PPP3R1: variants seen among roughly 807,000 people sequenced by gnomAD.
PPP3R1 encodes the protein calcineurin subunit B type 1.
A neutral mutation model predicts 22.6 loss-of-function variants in PPP3R1; 5 were observed. The observed-to-expected ratio is 0.22, with a 90% confidence interval of 0.12 to 0.46. The LOEUF (loss-of-function observed/expected upper bound fraction) is 0.46. PPP3R1 is among the 20% of genes least tolerant of loss of function. PPP3R1 has a pLI of 0.99. For missense variants in PPP3R1, 61 were observed against 203.2 expected (o/e 0.30, Z 4.25); for synonymous variants, 56 against 65.2 (o/e 0.86, Z 0.68).
At chr2:68,209,357 TCAAAAAAAAAAA>T (rs1444228182) in intron 2 of PPP3R1, among the ~76,000 whole-genome samples, 1 of 12,206 alleles carries the variant, frequency 8.2e-5, no homozygotes, top group African/African-American at 3.8e-4. Context: ...AGACTCTGTC[TCAAAAAAAAAAA>T]AAAAAAAAAA....
chr2:68,196,323 G>A (rs2103734834), intron 2 of PPP3R1, among the ~76,000 whole-genome samples: 1 of 152,196 alleles, frequency 6.6e-6, no homozygotes, highest in East Asian at 1.9e-4. Context: ...TCCACCAGGG[G>A]GCGCAGCAGA....
chr2:68,191,329 G>A (rs921910822), intron 2 of PPP3R1, among the ~76,000 whole-genome samples: 3 of 152,150 alleles, frequency 2.0e-5, no homozygotes, highest in Non-Finnish European at 4.4e-5. Context: ...ACTGAATACT[G>A]TAGGCAATTG....
chr2:68,190,274 A>T (rs2103725417), intron 2 of PPP3R1, among the ~76,000 whole-genome samples: 1 of 147,612 alleles, frequency 6.8e-6, no homozygotes, highest in Middle Eastern at 3.5e-3. Flanking sequence ...AAAAAAAAAA[A>T]AAAAAAAAGG....
intron 4 of PPP3R1, among the ~76,000 whole-genome samples, chr2:68,186,974 A>G (rs946979142): frequency 1.3e-5 from 2 of 152,172 alleles, no homozygotes; most frequent in Admixed American, 6.5e-5. Context: ...CACTTTCACT[A>G]AAAAAATCTC....
intron 2 of PPP3R1, among the ~76,000 whole-genome samples, chr2:68,208,865 G>C (rs908416579): frequency 1.3e-5 from 2 of 151,722 alleles, no homozygotes; most frequent in South Asian, 2.1e-4. Context: ...GGAGGCTGCA[G>C]TGAGCCGAGA....
intron 2 of PPP3R1, among the ~76,000 whole-genome samples, chr2:68,213,329 T>G (rs1268233939): frequency 6.6e-6 from 1 of 152,162 alleles, no homozygotes; most frequent in African/African-American, 2.4e-5. Context: ...CTTGAACAAT[T>G]AGAGAGCAGT....
intron 1 of PPP3R1, among the ~76,000 whole-genome samples, chr2:68,247,758 C>T (rs988167244): frequency 2.0e-5 from 3 of 152,236 alleles, no homozygotes; most frequent in African/African-American, 7.2e-5. Flanking sequence ...CACCTCTTTT[C>T]TTCCCCATAA....
intron 2 of PPP3R1, among the ~76,000 whole-genome samples, chr2:68,198,921 A>G (rs1343934254): frequency 2.6e-5 from 4 of 152,054 alleles, no homozygotes; most frequent in South Asian, 4.2e-4. Context: ...GTATTTTACA[A>G]TTTTACTCTA....
rs936460913 is a variant in PPP3R1, at chr2:68,240,112, G to A, written c.3+12013C>T. ...ATTTTCAACTTACAATGGGTTTATCGGGATGTAACCCCAACGTAAGTCAAG... is the reference window on the plus strand; with the variant it reads ...ATTTTCAACTTACAATGGGTTTATCAGGATGTAACCCCAACGTAAGTCAAG... On this transcript the variant is annotated intron_variant, in intron 1 of 5. Coordinates refer to ENST00000234310, the MANE Select transcript of PPP3R1 (RefSeq NM_000945.4). Among the ~76,000 whole-genome samples, 4 of 152,100 alleles carry A rather than the reference G, an allele frequency of 2.6e-5. No homozygotes were observed. In the East Asian group the frequency reaches 7.7e-4, roughly 29 times the overall value.
chr2:68,214,854 T>A (rs1277016919), intron 2 of PPP3R1, among the ~76,000 whole-genome samples: 1 of 152,044 alleles, frequency 6.6e-6, no homozygotes, highest in Non-Finnish European at 1.5e-5. Context: ...CACAATATTA[T>A]TATTCACAAT....
At chr2:68,241,302 C>G (rs1424177015) in intron 1 of PPP3R1, among the ~76,000 whole-genome samples, 1 of 152,024 alleles carries the variant, frequency 6.6e-6, no homozygotes, top group Non-Finnish European at 1.5e-5. Flanking sequence ...TATTATTTTT[C>G]ATTGTTATTT....
intron 1 of PPP3R1, among the ~76,000 whole-genome samples, chr2:68,250,816 T>C (rs2029091): frequency 0.41 from 61,705 of 152,064 alleles, 12,950 homozygotes; most frequent in South Asian, 0.62. Flanking sequence ...AAAGCTGACT[T>C]ACCTGAATAT....
At chr2:68,248,811 T>C (rs1226544978) in intron 1 of PPP3R1, among the ~76,000 whole-genome samples, 1 of 152,220 alleles carries the variant, frequency 6.6e-6, no homozygotes, top group African/African-American at 2.4e-5. Flanking sequence ...GTGAAAATGA[T>C]CTTGCTCCTT....
chr2:68,195,766 G>C (rs1388197662), intron 2 of PPP3R1, among the ~76,000 whole-genome samples: 1 of 152,070 alleles, frequency 6.6e-6, no homozygotes, highest in African/African-American at 2.4e-5. Flanking sequence ...ATGGACTCAT[G>C]AGTATTTTAG....
chr2:68,229,886 G>GTA lies in PPP3R1; in HGVS notation c.4-12757_4-12756dup, dbSNP rs747692203. Among the ~76,000 whole-genome samples, 502 of 150,932 alleles carry GTA rather than the reference G, an allele frequency of 3.3e-3. 3 individuals are homozygous for GTA. Among genetic ancestry groups the GTA allele is most frequent in the African/African-American group, 8.0e-3 (331 of 41,140 alleles). ...TGTGTGTGTGTGTGTATGTATGTGT[G>GTA]TATATATATATACGGGTGTGTGTGT... On this transcript the variant is annotated intron_variant, in intron 1 of 5. Transcript: ENST00000234310.
intron 1 of PPP3R1, among the ~76,000 whole-genome samples, chr2:68,249,835 C>CTTGAA (rs1408731159): frequency 1.3e-5 from 2 of 152,068 alleles, no homozygotes; most frequent in African/African-American, 4.8e-5. Context: ...ACTTTCCATA[C>CTTGAA]TTGAATTAAC....
chr2:68,187,939 A>G (rs1463900159), intron 3 of PPP3R1, among the ~76,000 whole-genome samples: 1 of 152,134 alleles, frequency 6.6e-6, no homozygotes, highest in Non-Finnish European at 1.5e-5. Context: ...AGGTTGAGGC[A>G]CGTGGATCAC....
chr2:68,181,928 T>A (rs1674413833), intron 5 of PPP3R1, among the ~76,000 whole-genome samples: 1 of 152,180 alleles, frequency 6.6e-6, no homozygotes, highest in Non-Finnish European at 1.5e-5. Context: ...CTGTATCATT[T>A]GGGGGGAATG....
chr2:68,222,136 CAT>C (rs1192315503), intron 1 of PPP3R1, among the ~76,000 whole-genome samples: 1 of 151,996 alleles, frequency 6.6e-6, no homozygotes, highest in African/African-American at 2.4e-5. Flanking sequence ...GCAAAGATAA[CAT>C]GTTGTGGGGT....
Sources: allele counts gnomAD v4.1 joint callset (sites outside exome capture counted in the v4.1 genomes callset), GRCh38; gene constraint gnomAD v4.1.1; transcripts MANE v1.5; gene names NCBI Gene and HGNC (gene_info 2026-07-23, HGNC 2026-07-21).